The following EPC1 variants were observed in gnomAD, a reference collection of about 807,000 sequenced individuals.
The protein encoded by EPC1 is enhancer of polycomb homolog 1.
Under a neutral mutation model 98.4 loss-of-function variants are expected in EPC1, and 12 were observed. That is an observed-to-expected ratio of 0.12 (90% confidence interval 0.08 to 0.20). The LOEUF is 0.20. Among genes scored for constraint, EPC1 ranks in the 10% least tolerant of loss-of-function variants. EPC1 has a pLI of 1.00. For missense variants in EPC1, 729 were observed against 990.5 expected (o/e 0.74, Z 3.54); for synonymous variants, 357 against 363.9 (o/e 0.98, Z 0.21).
Position 32,287,083 on chromosome 10 carries a change from G to A in EPC1, c.1152+15C>T, listed in dbSNP as rs1278084039. On this transcript the variant is annotated intron_variant, in intron 7 of 13. Coordinates refer to ENST00000319778, the MANE Select transcript of EPC1 (RefSeq NM_001272004.3). ...TACATCCCTCCTCAATGTTCATAGA[G>A]AATTGTATTTGTACCTGGGAGAGAG... 1.9e-6 allele frequency: 3 copies of A among 1,613,926 alleles called. No individual in the cohort carries two copies. Among genetic ancestry groups the A allele is most frequent in the African/African-American group, 1.3e-5 (1 of 74,902 alleles).
intron 10 of EPC1, among the ~76,000 whole-genome samples, chr10:32,278,041 G>A (rs978572979): frequency 6.6e-6 from 1 of 152,138 alleles, no homozygotes; most frequent in Non-Finnish European, 1.5e-5. Context: ...GGGTGCTAAG[G>A]AAACATTCAG....
chr10:32,275,602 CAA>C (rs78892953), intron 10 of EPC1, among the ~76,000 whole-genome samples: 38 of 141,384 alleles, frequency 2.7e-4, no homozygotes, highest in Admixed American at 2.8e-4. Context: ...CCATCTCTAC[CAA>C]AAAAAAAAAA....
Position 32,291,233 on chromosome 10 carries a change from A to G in EPC1, c.905T>C (p.Ile302Thr), listed in dbSNP as rs374241184. The change falls in exon 6 of 14, where the codon ATC becomes ACC. Residue 302 changes from isoleucine (I) to threonine (T), a missense_variant. By Grantham distance (89) the Ile-to-Thr change is moderately conservative. Around this residue, in one of 6 missense-constraint regions of EPC1, gnomAD observed 390 missense variants for 438.6 expected, o/e 0.89. Coordinates refer to ENST00000319778, the MANE Select transcript of EPC1 (RefSeq NM_001272004.3). Reference sequence around the variant, plus strand: ...AAATTGACTGCTATTAGTAATAGGGATGATGGGGATGGCATAAGTAGGTTT... The same window carrying G: ...AAATTGACTGCTATTAGTAATAGGGGTGATGGGGATGGCATAAGTAGGTTT... ...PMKPTYAIPI[I>T]PITNSSQFKH... 2.0e-5 allele frequency: 33 copies of G among 1,613,872 alleles called. No homozygotes were observed. Among genetic ancestry groups the G allele is most frequent in the Non-Finnish European group, 2.7e-5 (32 of 1,179,908 alleles).
intron 1 of EPC1, among the ~76,000 whole-genome samples, chr10:32,336,714 G>A (rs1837997111): frequency 6.6e-6 from 1 of 151,956 alleles, no homozygotes; most frequent in African/African-American, 2.4e-5. Context: ...CGACTGACAT[G>A]CATCTTTTCT....
intron 1 of EPC1, among the ~76,000 whole-genome samples, chr10:32,342,853 AAGG>A (rs749584156): frequency 1.1e-4 from 16 of 152,348 alleles, no homozygotes; most frequent in Non-Finnish European, 1.6e-4. Flanking sequence ...TGTTTCCATA[AAGG>A]AGAATTGTTA....
intron 2 of EPC1, 77 bp downstream of exon 2, chr10:32,305,695 T>C: frequency 7.8e-7 from 1 of 1,288,274 alleles, no homozygotes; most frequent in Non-Finnish European, 1.0e-6. Context: ...AAAACGCTCC[T>C]GAAGAGATAA....
chr10:32,358,046 G>C (rs1313320667), intron 1 of EPC1, among the ~76,000 whole-genome samples: 1 of 151,684 alleles, frequency 6.6e-6, no homozygotes, highest in African/African-American at 2.4e-5. Context: ...GTGGAGACAA[G>C]GTTTCACCAT....
At chr10:32,297,289 T>TC (rs1198576989) in intron 2 of EPC1, among the ~76,000 whole-genome samples, 1 of 151,398 alleles carries the variant, frequency 6.6e-6, no homozygotes, top group African/African-American at 2.4e-5. Flanking sequence ...ATTCTTTTTT[T>TC]TTTTTTTTTT....
At chr10:32,281,605 C>G (rs1836414058) in intron 10 of EPC1, 1 of 152,116 alleles carries the variant, frequency 6.6e-6, no homozygotes, top group African/African-American at 2.4e-5. Context: ...CAGGCTCACT[C>G]TGGAGAATAT....
chr10:32,285,738 A>T (rs1173061101), intron 9 of EPC1: 2 of 152,222 alleles, frequency 1.3e-5, no homozygotes, highest in Non-Finnish European at 2.9e-5. Context: ...TTGGCCTCCC[A>T]AAGTGCTGGG....
chr10:32,269,041 C>CTGCA lies in EPC1; in HGVS notation c.*18_*21dup. 6.2e-7 allele frequency: 1 copy of CTGCA among 1,608,890 alleles called. No individual in the cohort carries two copies. The highest frequency in any genetic ancestry group is 8.5e-7 in the Non-Finnish European group (1 of 1,175,588). On this transcript the variant is annotated 3_prime_UTR_variant, in exon 14 of 14. Coordinates refer to ENST00000319778, the MANE Select transcript of EPC1 (RefSeq NM_001272004.3). ...CATAGCACCTAATCAAGTCCCCAGGCTGCAGTTCCACTCGGAGGAAGCTAC... is the reference window on the plus strand; with the variant it reads ...CATAGCACCTAATCAAGTCCCCAGGCTGCATGCAGTTCCACTCGGAGGAAGCTAC...
intron 10 of EPC1, chr10:32,274,079 C>T (rs1201349236): frequency 2.0e-5 from 3 of 151,686 alleles, no homozygotes; most frequent in South Asian, 2.1e-4. Context: ...TATTACCCCC[C>T]CAAAAAAGTG....
chr10:32,338,832 A>G (rs1265399588), intron 1 of EPC1, among the ~76,000 whole-genome samples: 1 of 151,998 alleles, frequency 6.6e-6, no homozygotes, highest in African/African-American at 2.4e-5. Context: ...TCAGCTACTC[A>G]GGAGGCTGAG....
At chr10:32,276,430 C>T (rs1441687211) in intron 10 of EPC1, among the ~76,000 whole-genome samples, 6 of 152,076 alleles carry the variant, frequency 3.9e-5, no homozygotes, top group African/African-American at 9.7e-5. Flanking sequence ...GAGAATCGCT[C>T]GAATCCAGGA....
At chr10:32,273,068 G>T (rs142906151) in intron 11 of EPC1, 95 bp downstream of exon 11, 1 of 1,614,124 alleles carries the variant, frequency 6.2e-7, no homozygotes, top group East Asian at 2.2e-5. Context: ...TTTTCTGCTG[G>T]TTAGATGCAA....
intron 1 of EPC1, among the ~76,000 whole-genome samples, chr10:32,310,130 G>T (rs112614898): frequency 0.033 from 5,004 of 152,178 alleles, 272 homozygotes; most frequent in African/African-American, 0.11. Flanking sequence ...AGGAGGCAGA[G>T]GTTGCAGTGA....
chr10:32,345,877 C>CA (rs1838744495), intron 1 of EPC1, among the ~76,000 whole-genome samples: 1 of 152,104 alleles, frequency 6.6e-6, no homozygotes, highest in Admixed American at 6.6e-5. Flanking sequence ...CTTTTCTCCC[C>CA]CTATGTTGAG....
intron 1 of EPC1, among the ~76,000 whole-genome samples, chr10:32,339,525 A>C (rs1050247687): frequency 1.3e-5 from 2 of 152,220 alleles, no homozygotes; most frequent in Admixed American, 1.3e-4. Flanking sequence ...AGCCTGGGTG[A>C]CAGAGTGAAC....
At chr10:32,366,750 C>T (rs985748384) in intron 1 of EPC1, among the ~76,000 whole-genome samples, 2 of 152,156 alleles carry the variant, frequency 1.3e-5, no homozygotes, top group African/African-American at 4.8e-5. Flanking sequence ...GCCTTCAAAA[C>T]GTGTGACAGG....
Sources: allele counts gnomAD v4.1 joint callset (sites outside exome capture counted in the v4.1 genomes callset), GRCh38; gene constraint gnomAD v4.1.1; regional missense constraint gnomAD v4.1.1; transcripts MANE v1.5; gene names NCBI Gene and HGNC (gene_info 2026-07-23, HGNC 2026-07-21).